Variants in PTPRR observed in about 807,000 individuals in gnomAD.
The protein encoded by PTPRR is protein tyrosine phosphatase receptor type R.
In PTPRR, 38 loss-of-function variants were observed where a neutral mutation model predicts 77.2. The ratio of observed to expected loss-of-function variants is 0.49; its 90% CI spans 0.38 to 0.65. The LOEUF (loss-of-function observed/expected upper bound fraction) is 0.65. Ranked by LOEUF, PTPRR falls within the 30% of genes least tolerant of loss-of-function variation. PTPRR has a pLI of 0.00. For synonymous variants in PTPRR, 299 were observed against 283.1 expected, an observed-to-expected ratio of 1.06 and a Z score of -0.57; for missense variants, 744 against 799.2, an observed-to-expected ratio of 0.93 and a Z score of 0.83.
intron 2 of PTPRR, among the ~76,000 whole-genome samples, chr12:70,786,653 G>A (rs963672106): frequency 1.3e-5 from 2 of 152,160 alleles, no homozygotes; most frequent in Non-Finnish European, 2.9e-5. Context: ...ATGCTCCGTG[G>A]AAGTGTGTTA....
intron 2 of PTPRR, among the ~76,000 whole-genome samples, chr12:70,795,940 T>TTTTTTTTTTTG (rs1436544409): frequency 7.5e-6 from 1 of 133,522 alleles, no homozygotes; most frequent in African/African-American, 2.8e-5. Context: ...TTTTTTTTTT[T>TTTTTTTTTTTG]TGACACAGAG....
At chr12:70,783,012 T>C (rs1891236660) in intron 2 of PTPRR, among the ~76,000 whole-genome samples, 1 of 152,074 alleles carries the variant, frequency 6.6e-6, no homozygotes, top group African/African-American at 2.4e-5. Context: ...ACTGCATCCC[T>C]TTCATAGTCT....
At chr12:70,755,539 T>C (rs1478592836) in intron 4 of PTPRR, among the ~76,000 whole-genome samples, 2 of 152,148 alleles carry the variant, frequency 1.3e-5, no homozygotes, top group Non-Finnish European at 2.9e-5. Flanking sequence ...TGAGTTCAAT[T>C]GTGATTACAA....
chr12:70,766,899 A>C (rs974744474), intron 2 of PTPRR, among the ~76,000 whole-genome samples: 1 of 152,206 alleles, frequency 6.6e-6, no homozygotes, highest in Non-Finnish European at 1.5e-5. Flanking sequence ...CCGGAATTTT[A>C]TATCCAGCCA....
chr12:70,777,599 C>T (rs1469683428), intron 2 of PTPRR, among the ~76,000 whole-genome samples: 1 of 152,074 alleles, frequency 6.6e-6, no homozygotes, highest in African/African-American at 2.4e-5. Flanking sequence ...TTAGAGACTA[C>T]CCAGAATTCT....
chr12:70,641,475 G>T (rs1361760265), intron 13 of PTPRR, among the ~76,000 whole-genome samples: 1 of 152,168 alleles, frequency 6.6e-6, no homozygotes, highest in African/African-American at 2.4e-5. Flanking sequence ...TAATTTAATG[G>T]TTGGAGTATA....
At chr12:70,660,902 G>A (rs1886774487) in intron 12 of PTPRR, 38 bp downstream of exon 12, 2 of 1,566,722 alleles carry the variant, frequency 1.3e-6, no homozygotes, top group African/African-American at 2.7e-5. Flanking sequence ...ACAAAGAATG[G>A]GCCATTGCTT....
At chr12:70,815,302 G>T (rs1248282166) in intron 2 of PTPRR, among the ~76,000 whole-genome samples, 2 of 152,050 alleles carry the variant, frequency 1.3e-5, no homozygotes, top group Non-Finnish European at 2.9e-5. Flanking sequence ...AAAAAAGATT[G>T]AAAAAGAATA....
At chr12:70,716,080 C>T (rs1889017138) in intron 6 of PTPRR, among the ~76,000 whole-genome samples, 1 of 152,192 alleles carries the variant, frequency 6.6e-6, no homozygotes, top group Non-Finnish European at 1.5e-5. Context: ...CCAGGTTCTT[C>T]TGCCAAGGCT....
intron 2 of PTPRR, among the ~76,000 whole-genome samples, chr12:70,873,033 A>C (rs886402916): frequency 3.3e-5 from 5 of 152,132 alleles, no homozygotes; most frequent in Admixed American, 3.3e-4. Flanking sequence ...TTTTTATGAG[A>C]AAAAAATGAA....
At chr12:70,678,708 C>T (rs945840830) in intron 10 of PTPRR, among the ~76,000 whole-genome samples, 1 of 152,028 alleles carries the variant, frequency 6.6e-6, no homozygotes, top group African/African-American at 2.4e-5. Context: ...GTCTCTCTCT[C>T]TGTCTCCCAA....
intron 2 of PTPRR, among the ~76,000 whole-genome samples, chr12:70,863,966 A>G (rs1385331206): frequency 6.6e-6 from 1 of 152,174 alleles, no homozygotes. Flanking sequence ...GCAATGTTCC[A>G]GGCAAGTGTT....
At chr12:70,674,376 C>T (rs1483833568) in intron 10 of PTPRR, among the ~76,000 whole-genome samples, 1 of 152,028 alleles carries the variant, frequency 6.6e-6, no homozygotes, top group Non-Finnish European at 1.5e-5. Context: ...ATATCATATT[C>T]ATGCCTATAA....
chr12:70,903,890 A>G (rs1356755754), intron 1 of PTPRR, among the ~76,000 whole-genome samples: 1 of 151,900 alleles, frequency 6.6e-6, no homozygotes, highest in Non-Finnish European at 1.5e-5. Context: ...CAACAATTAG[A>G]AAACAAACCA....
At chr12:70,802,770 C>G (rs1157598814) in intron 2 of PTPRR, among the ~76,000 whole-genome samples, 1 of 152,100 alleles carries the variant, frequency 6.6e-6, no homozygotes, top group South Asian at 2.1e-4. Flanking sequence ...GTGTCTATAT[C>G]TTGAGATGTA....
chr12:70,858,613 C>A (rs557939633), intron 2 of PTPRR, among the ~76,000 whole-genome samples: 1 of 152,156 alleles, frequency 6.6e-6, no homozygotes, highest in African/African-American at 2.4e-5. Context: ...CTCTGCATTT[C>A]AAGTAACTCT....
chr12:70,704,981 C>T (rs979685753), intron 6 of PTPRR, among the ~76,000 whole-genome samples: 2 of 151,688 alleles, frequency 1.3e-5, no homozygotes, highest in African/African-American at 4.8e-5. Flanking sequence ...TGCTGCAGCA[C>T]CAATTATTAT....
intron 8 of PTPRR, among the ~76,000 whole-genome samples, chr12:70,687,797 G>A (rs889798176): frequency 6.6e-6 from 1 of 152,162 alleles, no homozygotes; most frequent in African/African-American, 2.4e-5. Context: ...AATCTCTTGA[G>A]ACATGGGCTT....
At chr12:70,654,305 C>T (rs1009913082) in intron 13 of PTPRR, among the ~76,000 whole-genome samples, 4 of 152,142 alleles carry the variant, frequency 2.6e-5, no homozygotes, top group Admixed American at 6.5e-5. Context: ...TGGCCTGGCA[C>T]GGTGGCTCAC....
Sources: allele counts gnomAD v4.1 joint callset (sites outside exome capture counted in the v4.1 genomes callset), GRCh38; gene constraint gnomAD v4.1.1; transcripts MANE v1.5; gene names NCBI Gene and HGNC (gene_info 2026-07-23, HGNC 2026-07-21).